The following IFT81 variants were observed in gnomAD, a reference collection of about 807,000 sequenced individuals.
The protein encoded by IFT81 is intraflagellar transport 81.
A neutral mutation model predicts 102.6 loss-of-function variants in IFT81; 72 were observed. The observed-to-expected ratio is 0.70, with a 90% CI of 0.58 to 0.85. IFT81 has a LOEUF of 0.85. Ranked by LOEUF, IFT81 falls within the 40% of genes least tolerant of loss-of-function variation. The pLI, the probability that IFT81 is intolerant of heterozygous loss-of-function variation, is 0.00. For synonymous variants in IFT81, 237 were observed against 242.7 expected (o/e 0.98, Z 0.22); for missense variants, 723 against 787.3 (o/e 0.92, Z 0.98).
rs762516404 is a variant in IFT81 at position 110,192,655 on chromosome 12, A to G, written c.1506A>G (p.Ser502=). The G allele has an allele frequency of 1.9e-6, 3 of 1,591,032 alleles. No individual in the cohort carries two copies. The highest frequency in any genetic ancestry group is 1.2e-5 in the South Asian group (1 of 86,396). The change falls in exon 14 of 19, where the codon TCA becomes TCG. Residue 502 remains serine (S), a synonymous_variant. Coordinates refer to ENST00000242591, the MANE Select transcript of IFT81 (RefSeq NM_014055.4). ...KLYSLVSEKK[S]ALASVIKELR... is the part of the protein sequence containing the mutation. ...ATTCATTGGTATCTGAAAAGAAGTC[A>G]GCTCTTGCCTCAGTTATAAAAGAGC...
Position 110,205,471 on chromosome 12 carries a change from T to C in IFT81, c.1673T>C (p.Leu558Pro). ...QEVRRLREECLQEESRYHYTN... is the reference protein window; with the variant it reads ...QEVRRLREECPQEESRYHYTN... Reference sequence around the variant, plus strand: ...GTTAGAAGACTCCGTGAAGAATGTCTTCAAGAAGAAAGTAGATACCATTAT... The same window carrying C: ...GTTAGAAGACTCCGTGAAGAATGTCCTCAAGAAGAAAGTAGATACCATTAT... The change falls in exon 16 of 19, where the codon CTT becomes CCT. Residue 558 changes from leucine to proline, a missense_variant. Physicochemically the swap from Leu to Pro is moderately conservative, Grantham distance 98. Transcript: ENST00000242591. 6.2e-7 allele frequency: 1 copy of C among 1,603,326 alleles called. No homozygotes were observed. Among genetic ancestry groups the C allele is most frequent in the Non-Finnish European group, 8.5e-7 (1 of 1,176,246 alleles).
At chr12:110,196,785 G>T (rs1898020004) in intron 14 of IFT81, among the ~76,000 whole-genome samples, 1 of 152,114 alleles carries the variant, frequency 6.6e-6, no homozygotes, top group Non-Finnish European at 1.5e-5. Flanking sequence ...TTTTGCCTTA[G>T]AGTATTATTT....
chr12:110,199,062 G>A lies in IFT81; in HGVS notation c.1558-4802G>A, dbSNP rs111356352. ...GACCTCAAGTGATCCGGCCACCTCC[G>A]CCTCCCGAAGTGCTGGGATTATAGG... is the stretch of plus-strand genomic sequence containing the variant. On this transcript the variant is annotated intron_variant, in intron 14 of 18. Transcript: ENST00000242591. Among the ~76,000 whole-genome samples, 17 of 152,150 alleles carry A rather than the reference G, an allele frequency of 1.1e-4. 1 individual carries two copies. The highest frequency in any genetic ancestry group is 4.1e-4 in the South Asian group (2 of 4,820).
intron 12 of IFT81, among the ~76,000 whole-genome samples, chr12:110,183,051 G>A (rs1260477703): frequency 6.6e-6 from 1 of 152,162 alleles, no homozygotes; most frequent in Non-Finnish European, 1.5e-5. Flanking sequence ...CCACTATTCT[G>A]TCAGGCCATC....
At position 110,191,182 on chromosome 12, in the gene IFT81, T is replaced by C. The variant is rs1318678569; in HGVS notation, c.1467+134T>C. On this transcript the variant is annotated intron_variant, in intron 13 of 18. Transcript: ENST00000242591. ...CATTCTTTCATCTTTTTTTTTTTTT[T>C]CTTTTTGAGGCAGAGTCTCACTCTA... is the stretch of plus-strand genomic sequence containing the variant. 8.5e-6 allele frequency: 7 copies of C among 821,774 alleles called. No individual in the cohort carries two copies. The African/African-American group carries it at 1.1e-4, about 13-fold the overall frequency. The allele number at this position is 821,774 out of a possible 1,614,324, so 50.9% of individuals were successfully genotyped here.
At position 110,180,535 on chromosome 12, in the gene IFT81, T is replaced by G; in HGVS notation, c.1302T>G (p.Leu434=). The G allele has an allele frequency of 6.2e-7, 1 of 1,607,506 alleles. No individual in the cohort carries two copies. Among genetic ancestry groups the G allele is most frequent in the Non-Finnish European group, 8.5e-7 (1 of 1,175,268 alleles). Residue 434 remains leucine, a synonymous_variant, in exon 12 of 19, where the codon CTT becomes CTG. Coordinates refer to ENST00000242591, the MANE Select transcript of IFT81 (RefSeq NM_014055.4). ...EFGLLQRTEE[L]LKQRHENIQQ... ...GTCTTTTGCAGAGGACTGAAGAACT[T>G]CTTAAGCAACGTCATGAAAATATTC...
chr12:110,156,115 A>C, intron 10 of IFT81, among the ~76,000 whole-genome samples: 1 of 152,342 alleles, frequency 6.6e-6, no homozygotes, highest in East Asian at 1.9e-4. Flanking sequence ...TAATTCTTTT[A>C]AATGTGTTAA....
rs192288142 is a variant in IFT81, at chr12:110,217,818, G to C, written c.1849-226G>C. Among the ~76,000 whole-genome samples the C allele has an allele frequency of 6.9e-3, 1,042 of 152,096 alleles. 1 individual carries two copies. The highest frequency in any genetic ancestry group is 9.4e-3 in the Non-Finnish European group (641 of 67,988). On this transcript the variant is annotated intron_variant, in intron 18 of 18. Coordinates refer to ENST00000242591, the MANE Select transcript of IFT81 (RefSeq NM_014055.4). Reference sequence around the variant, plus strand: ...AGAGCTCTTGATCTCCTGACCTCATGATCTGCCCACCTCAGCCTCCCAAAG... The same window carrying C: ...AGAGCTCTTGATCTCCTGACCTCATCATCTGCCCACCTCAGCCTCCCAAAG...
In IFT81 at chr12:110,143,397, T is replaced by C. The variant is rs1255172497; in HGVS notation, c.797T>C (p.Leu266Pro). The change falls in exon 9 of 19, where the codon CTA (leucine) becomes CCA (proline). Residue 266 changes from leucine to proline, a missense_variant. By Grantham distance (98) the Leu-to-Pro change is moderately conservative (BLOSUM62 -3). Coordinates refer to ENST00000242591, the MANE Select transcript of IFT81 (RefSeq NM_014055.4). ...DAKPESLMKR[L>P]EEEIKFNLYM... ...ATTTTTAAAGGTTTAATGAAGAGGC[T>C]AGAGGAGGAGATAAAATTTAATTTA... is the stretch of plus-strand genomic sequence containing the variant. 2 of 1,382,154 alleles carry C rather than the reference T, an allele frequency of 1.4e-6. No individual in the cohort carries two copies. The highest frequency in any genetic ancestry group is 1.5e-5 in the African/African-American group (1 of 66,672). 85.6% of individuals were successfully genotyped at this position (1,382,154 alleles called of 1,614,324 possible).
At chr12:110,136,966 C>A in intron 8 of IFT81, 106 bp downstream of exon 8, 1 of 639,106 alleles carries the variant, frequency 1.6e-6, no homozygotes. Flanking sequence ...CAAGTGATGT[C>A]TCAGCATTTT....
At chr12:110,126,227 A>G (rs1409497310) in intron 1 of IFT81, among the ~76,000 whole-genome samples, 20 of 151,274 alleles carry the variant, frequency 1.3e-4, no homozygotes, top group Non-Finnish European at 1.5e-5. Flanking sequence ...GCAGTGAGCC[A>G]AGATCGCGCC....
At chr12:110,216,791 C>T in intron 18 of IFT81, 2 of 336,410 alleles carry the variant, frequency 5.9e-6, no homozygotes, top group Non-Finnish European at 1.2e-5. Context: ...AGCATGAGTC[C>T]TGTTTTCCAC....
At chr12:110,145,153 T>C (rs1484177061) in intron 9 of IFT81, among the ~76,000 whole-genome samples, 2 of 151,106 alleles carry the variant, frequency 1.3e-5, no homozygotes, top group Non-Finnish European at 2.9e-5. Flanking sequence ...CACCTGAGCT[T>C]CCCAAGTAGC....
chr12:110,172,435 G>C (rs555563387), intron 11 of IFT81, among the ~76,000 whole-genome samples: 16 of 152,144 alleles, frequency 1.1e-4, no homozygotes, highest in Admixed American at 1.0e-3. Flanking sequence ...CTCTGATGCC[G>C]AGCTGAAGCT....
At chr12:110,197,634 C>T (rs1898073625) in intron 14 of IFT81, among the ~76,000 whole-genome samples, 1 of 147,656 alleles carries the variant, frequency 6.8e-6, no homozygotes, top group African/African-American at 2.5e-5. Context: ...ATACAGGAAC[C>T]TTAGAATAAT....
chr12:110,172,812 G>C (rs1008524051), intron 11 of IFT81, among the ~76,000 whole-genome samples: 3 of 151,462 alleles, frequency 2.0e-5, no homozygotes, highest in Non-Finnish European at 4.4e-5. Context: ...CCGCCACCCC[G>C]TCTAGGAAGT....
At chr12:110,129,850 T>TTA (rs930174124) in intron 4 of IFT81, among the ~76,000 whole-genome samples, 1 of 151,486 alleles carries the variant, frequency 6.6e-6, no homozygotes, top group Non-Finnish European at 1.5e-5. Context: ...TTTTTTTTTT[T>TTA]AAAAAGTGCT....
Position 110,205,468 on chromosome 12 carries a change from G to A in IFT81, c.1670G>A (p.Cys557Tyr), listed in dbSNP as rs2137588025. ...EQEVRRLREE[C>Y]LQEESRYHYT... is the part of the protein sequence containing the mutation. ...GAAGTTAGAAGACTCCGTGAAGAAT[G>A]TCTTCAAGAAGAAAGTAGATACCAT... is the stretch of plus-strand genomic sequence containing the variant. Residue 557 changes from cysteine (C) to tyrosine (Y), a missense_variant, in exon 16 of 19, where the codon TGT (cysteine) becomes TAT (tyrosine). Transcript: ENST00000242591. 5 of 1,602,664 alleles carry A rather than the reference G, an allele frequency of 3.1e-6. No individual in the cohort carries two copies. Among genetic ancestry groups the A allele is most frequent in the Non-Finnish European group, 4.3e-6 (5 of 1,175,892 alleles).
At chr12:110,197,723 A>G (rs1001529104) in intron 14 of IFT81, among the ~76,000 whole-genome samples, 2 of 150,926 alleles carry the variant, frequency 1.3e-5, no homozygotes, top group Non-Finnish European at 3.0e-5. Flanking sequence ...TTGTTTATTT[A>G]TTTATTGAGA....
Sources: gnomAD v4.1 joint callset for allele counts (sites outside exome capture counted in the v4.1 genomes callset) on GRCh38, gnomAD v4.1.1 for gene constraint, MANE v1.5 for transcripts, NCBI Gene and HGNC (gene_info 2026-07-23, HGNC 2026-07-21) for gene names.